The following KCNK13 variants were observed in gnomAD, a reference collection of about 807,000 sequenced individuals.
KCNK13 encodes potassium channel subfamily K member 13.
In KCNK13, 12 loss-of-function variants were observed where a neutral mutation model predicts 23.4. The observed-to-expected ratio is 0.51, with a 90% CI of 0.33 to 0.83. KCNK13 has a LOEUF of 0.83. Among genes scored for constraint, KCNK13 ranks in the 40% least tolerant of loss-of-function variants. The probability of loss-of-function intolerance (pLI) is 0.02; values close to 1 mark genes in which losing one functional copy is unlikely to be tolerated. For synonymous variants in KCNK13, 231 were observed against 229.5 expected (o/e 1.01, Z -0.06); for missense variants, 463 against 556.3 (o/e 0.83, Z 1.69).
intron 1 of KCNK13, among the ~76,000 whole-genome samples, chr14:90,182,049 A>G (rs1890493599): frequency 6.6e-6 from 1 of 152,140 alleles, no homozygotes; most frequent in Non-Finnish European, 1.5e-5. Context: ...GTCTAGCATG[A>G]AGGGCCCTAA....
chr14:90,091,933 T>C lies in KCNK13; in HGVS notation c.334+29394T>C, dbSNP rs1889350236. On this transcript the variant is annotated intron_variant, in intron 1 of 1. Transcript: ENST00000282146. ...CATTTTGGGAAAGAGAACTCCTTTT[T>C]TTTTTTTTTTTGAGACAGAGTCTCA... Among the ~76,000 whole-genome samples, 3 of 151,216 alleles carry C rather than the reference T, an allele frequency of 2.0e-5. No individual in the cohort carries two copies. In the South Asian group the frequency reaches 6.3e-4, roughly 32 times the overall value.
chr14:90,127,418 C>G (rs1596789545), intron 1 of KCNK13, among the ~76,000 whole-genome samples: 1 of 141,658 alleles, frequency 7.1e-6, no homozygotes. Context: ...GACATTTGTT[C>G]TTTGGGTAAT....
intron 1 of KCNK13, among the ~76,000 whole-genome samples, chr14:90,168,406 A>T (rs1890328478): frequency 6.6e-6 from 1 of 151,482 alleles, no homozygotes; most frequent in African/African-American, 2.4e-5. Flanking sequence ...TGCTTCCAGG[A>T]CCCCAGAGAT....
At chr14:90,120,015 G>A (rs1409496102) in intron 1 of KCNK13, among the ~76,000 whole-genome samples, 2 of 151,998 alleles carry the variant, frequency 1.3e-5, no homozygotes, top group African/African-American at 4.8e-5. Flanking sequence ...CATCACCCAG[G>A]TACTAAGACT....
In KCNK13 at chr14:90,184,003, A is replaced by G; in HGVS notation, c.335-108A>G. ...TTCCTAGAAAGACTAAGGCTGAGTG[A>G]TTTTATGAAACTCTCTTTAGGTCCT... On this transcript the variant is annotated intron_variant, in intron 1 of 1. Transcript: ENST00000282146. This position sits in a 1 kb window ranked among gnomAD's most constrained non-coding sequence, Gnocchi z 5.6. The G allele has an allele frequency of 1.0e-6, 1 of 983,590 alleles. No homozygotes were observed. The highest frequency in any genetic ancestry group is 1.6e-5 in the South Asian group (1 of 62,412). 60.9% of individuals were successfully genotyped at this position (983,590 alleles called of 1,614,324 possible). A position where few individuals can be genotyped will look rare whatever the true frequency, so the allele number is the denominator to read the frequency against.
chr14:90,167,865 A>G (rs1035084204), intron 1 of KCNK13, among the ~76,000 whole-genome samples: 1 of 152,192 alleles, frequency 6.6e-6, no homozygotes, highest in Non-Finnish European at 1.5e-5. Flanking sequence ...ATTGGCTGGG[A>G]AGAAACACTT....
At position 90,122,710 on chromosome 14, in the gene KCNK13, GA is replaced by G. The variant is rs147921417; in HGVS notation, c.334+60179del. On this transcript the variant is annotated intron_variant, in intron 1 of 1. Coordinates refer to ENST00000282146, the MANE Select transcript of KCNK13 (RefSeq NM_022054.4). ...CTGGCCCGAGGCACTCAATGAACAT[GA>G]AAAAAAAGGGAGAAACTAACTTGGA... 3.1e-4 allele frequency among the ~76,000 whole-genome samples: 47 copies of G among 151,622 alleles called. 2 individuals carry two copies. The highest frequency in any genetic ancestry group is 1.1e-3 in the African/African-American group (44 of 41,388).
chr14:90,149,666 G>A (rs1046512570), intron 1 of KCNK13, among the ~76,000 whole-genome samples: 1 of 152,250 alleles, frequency 6.6e-6, no homozygotes, highest in African/African-American at 2.4e-5. Context: ...CAGCCAAACC[G>A]TTTGCCTGTT....
chr14:90,177,826 A>C (rs1369951471), intron 1 of KCNK13, among the ~76,000 whole-genome samples: 1 of 152,176 alleles, frequency 6.6e-6, no homozygotes, highest in Non-Finnish European at 1.5e-5. Flanking sequence ...ATGTTCTAGG[A>C]GCTAGCCCCT....
intron 1 of KCNK13, among the ~76,000 whole-genome samples, chr14:90,178,116 A>G (rs1037608784): frequency 3.3e-5 from 5 of 151,056 alleles, no homozygotes; most frequent in African/African-American, 1.2e-4. Flanking sequence ...TCATTTCCCC[A>G]TTATCTGATA....
intron 1 of KCNK13, among the ~76,000 whole-genome samples, chr14:90,135,399 C>T (rs1889923514): frequency 6.6e-6 from 1 of 152,182 alleles, no homozygotes; most frequent in African/African-American, 2.4e-5. Context: ...GGTTCACCGA[C>T]ATCTCAAACT....
chr14:90,115,436 C>T lies in KCNK13; in HGVS notation c.334+52897C>T, dbSNP rs76076757. On this transcript the variant is annotated intron_variant, in intron 1 of 1. Transcript: ENST00000282146. ...CTCCTGTGAAACTTACAAAGAAGTC[C>T]TGCCCAAGCCTCATCCTGGAGAGTT... Among the ~76,000 whole-genome samples, 668 of 152,298 alleles carry T rather than the reference C, an allele frequency of 4.4e-3. 2 individuals are homozygous for T. Among genetic ancestry groups the T allele is most frequent in the Non-Finnish European group, 7.0e-3 (477 of 68,026 alleles).
chr14:90,098,037 C>T (rs552431361), intron 1 of KCNK13, among the ~76,000 whole-genome samples: 38 of 152,208 alleles, frequency 2.5e-4, no homozygotes, highest in Admixed American at 2.0e-3. Context: ...CCTCCTGGGG[C>T]GGGGATGACT....
Position 90,062,551 on chromosome 14 carries a change from G to T in KCNK13, c.334+12G>T. 6.9e-7 allele frequency: 1 copy of T among 1,450,512 alleles called. No homozygotes were observed. The highest frequency in any genetic ancestry group is 9.1e-7 in the Non-Finnish European group (1 of 1,097,452). The allele number at this position is 1,450,512 out of a possible 1,614,324, so 89.9% of individuals were successfully genotyped here. On this transcript the variant is annotated intron_variant, in intron 1 of 1. Transcript: ENST00000282146. The surrounding 1 kb of genome is among the most constrained non-coding windows in gnomAD (Gnocchi z 4.5). The stretch of plus-strand genomic sequence containing the variant: ...CGTTTCCACCATAGGTAAGTGTGCT[G>T]GCCGGACTCGCTGACAACCTCCGGG...
intron 1 of KCNK13, among the ~76,000 whole-genome samples, chr14:90,142,777 A>G (rs917561622): frequency 1.3e-5 from 2 of 152,242 alleles, no homozygotes; most frequent in Admixed American, 6.5e-5. Flanking sequence ...GGATTAAACA[A>G]ACAGGTTTAT....
rs189516720 is a variant in KCNK13 at position 90,170,424 on chromosome 14, G to T, written c.335-13687G>T. Among the ~76,000 whole-genome samples the T allele has an allele frequency of 5.3e-5, 8 of 152,260 alleles. 1 individual carries two copies. Among genetic ancestry groups the T allele is most frequent in the African/African-American group, 1.9e-4 (8 of 41,548 alleles). ...AGACACGGTTTCTCTGTGTTGGCCA[G>T]GCTGGTCTCCAACTCCTGACCTCAG... is the stretch of plus-strand genomic sequence containing the variant. On this transcript the variant is annotated intron_variant, in intron 1 of 1. Coordinates refer to ENST00000282146, the MANE Select transcript of KCNK13 (RefSeq NM_022054.4).
rs181159446 is a variant in KCNK13, at chr14:90,097,330, G to C, written c.334+34791G>C. ...CATGGTGAAGGTCAAAGGGGAAGCAGACAGGCATGAACCCCAGGGGTATTC... is the reference window on the plus strand; with the variant it reads ...CATGGTGAAGGTCAAAGGGGAAGCACACAGGCATGAACCCCAGGGGTATTC... On this transcript the variant is annotated intron_variant, in intron 1 of 1. Transcript: ENST00000282146. Among the ~76,000 whole-genome samples the C allele has an allele frequency of 7.9e-5, 12 of 152,274 alleles. No homozygotes were observed. The East Asian group carries it at 2.3e-3, about 29-fold the overall frequency.
intron 1 of KCNK13, among the ~76,000 whole-genome samples, chr14:90,125,627 G>A (rs28436672): frequency 0.045 from 400 of 8,914 alleles, 2 homozygotes; most frequent in East Asian, 0.092. Flanking sequence ...ACACACACAC[G>A]CGCACACACA....
intron 1 of KCNK13, among the ~76,000 whole-genome samples, chr14:90,109,409 CTTT>C (rs557644405): frequency 1.6e-5 from 2 of 123,302 alleles, no homozygotes; most frequent in Non-Finnish European, 1.6e-5. Context: ...CTTTTCTTTC[CTTT>C]TTTTTTTTTT....
Sources: allele counts gnomAD v4.1 joint callset (sites outside exome capture counted in the v4.1 genomes callset), GRCh38; gene constraint gnomAD v4.1.1; non-coding constraint Gnocchi (gnomAD v3.1); transcripts MANE v1.5; gene names NCBI Gene and HGNC (gene_info 2026-07-23, HGNC 2026-07-21).